Variants in CCDC148 observed in about 807,000 individuals in gnomAD.
CCDC148 encodes the protein coiled-coil domain containing 148.
CCDC148 carries 89 observed loss-of-function variants against 85.7 expected under a neutral mutation model. The ratio of observed to expected loss-of-function variants is 1.04; its 90% CI spans 0.87 to 1.24. The LOEUF (loss-of-function observed/expected upper bound fraction) is 1.24, where lower values mean the gene tolerates loss of function less well. Among genes scored for constraint, CCDC148 ranks in the 50% most tolerant of loss-of-function variants. The pLI, the probability that CCDC148 is intolerant of heterozygous loss-of-function variation, is 0.00. For missense variants in CCDC148, 692 were observed against 671.7 expected (o/e 1.03, Z -0.33); for synonymous variants, 230 against 213.9 (o/e 1.08, Z -0.66).
intron 7 of CCDC148, among the ~76,000 whole-genome samples, chr2:158,336,242 TG>T (rs1358398971): frequency 1.1e-4 from 16 of 152,328 alleles, no homozygotes; most frequent in South Asian, 4.1e-4. Context: ...TATACTTTTA[TG>T]CCTTACTGCT....
At chr2:158,321,265 T>C (rs1442065574) in intron 7 of CCDC148, among the ~76,000 whole-genome samples, 3 of 152,232 alleles carry the variant, frequency 2.0e-5, no homozygotes, top group South Asian at 4.2e-4. Context: ...AAAATCATGG[T>C]CCACACTATT....
intron 11 of CCDC148, among the ~76,000 whole-genome samples, chr2:158,196,811 G>A (rs1175122978): frequency 3.3e-5 from 5 of 150,142 alleles, no homozygotes; most frequent in Non-Finnish European, 7.4e-5. Context: ...GTGTCTATGT[G>A]TTTATATCTG....
intron 11 of CCDC148, among the ~76,000 whole-genome samples, chr2:158,182,296 A>C (rs944937105): frequency 2.6e-5 from 4 of 152,118 alleles, no homozygotes; most frequent in African/African-American, 9.7e-5. Context: ...TTGATTCCTA[A>C]GGAAACAACA....
At chr2:158,345,379 C>T in intron 2 of CCDC148, 61 bp from the exon 3 acceptor site, 1 of 1,120,790 alleles carries the variant, frequency 8.9e-7, no homozygotes, top group Non-Finnish European at 1.3e-6. Flanking sequence ...TTTTTCACAA[C>T]AGAAATGCTT....
At chr2:158,379,018 AT>A (rs1684767729) in intron 1 of CCDC148, among the ~76,000 whole-genome samples, 1 of 152,192 alleles carries the variant, frequency 6.6e-6, no homozygotes, top group South Asian at 2.1e-4. Context: ...AACACATTTC[AT>A]AAGGCTATAG....
At chr2:158,228,766 C>T (rs944868396) in intron 10 of CCDC148, among the ~76,000 whole-genome samples, 11 of 134,314 alleles carry the variant, frequency 8.2e-5, no homozygotes, top group Admixed American at 1.8e-4. Context: ...AATGAGAACA[C>T]ATGGACACAG....
intron 10 of CCDC148, among the ~76,000 whole-genome samples, chr2:158,238,184 G>T (rs1688195652): frequency 6.6e-6 from 1 of 152,080 alleles, no homozygotes; most frequent in Admixed American, 6.6e-5. Flanking sequence ...GGTCATAATG[G>T]TGTATTTTTA....
Position 158,338,778 on chromosome 2 carries a change from T to A in CCDC148, c.712A>T (p.Lys238Ter), listed in dbSNP as rs201223553. ...ILSEFYKFTQ[K>*]YQKKLQDFNL... The stretch of plus-strand genomic sequence containing the variant: ...AAGTCTTGAAGCTTCTTCTGATATT[T>A]CTGTGTAAACTTATAGAACTCACTG... The change falls in exon 7 of 14, where the codon AAA becomes TAA. Residue 238 changes from lysine to a stop codon, truncating the protein, a stop_gained. Transcript: ENST00000283233. LOFTEE classifies it high-confidence loss of function. 1.9e-6 allele frequency: 3 copies of A among 1,610,572 alleles called. No homozygotes were observed. Among genetic ancestry groups the A allele is most frequent in the Middle Eastern group, 1.7e-4 (1 of 6,050 alleles).
intron 9 of CCDC148, among the ~76,000 whole-genome samples, chr2:158,253,761 T>G (rs1316100508): frequency 6.6e-6 from 1 of 151,670 alleles, no homozygotes; most frequent in Admixed American, 6.6e-5. Context: ...TTAATGATCA[T>G]CAATGACCAC....
chr2:158,216,634 T>A (rs1020300634), intron 11 of CCDC148, among the ~76,000 whole-genome samples: 1 of 152,112 alleles, frequency 6.6e-6, no homozygotes, highest in South Asian at 2.1e-4. Context: ...CAAAATATTA[T>A]AGACTGGGTG....
At chr2:158,445,523 A>C (rs1688122881) in intron 1 of CCDC148, among the ~76,000 whole-genome samples, 1 of 152,204 alleles carries the variant, frequency 6.6e-6, no homozygotes, top group African/African-American at 2.4e-5. Context: ...GAAAAAAGCA[A>C]AAGAACAAGA....
At chr2:158,216,349 T>TA (rs1037326240) in intron 11 of CCDC148, among the ~76,000 whole-genome samples, 9 of 150,456 alleles carry the variant, frequency 6.0e-5, no homozygotes, top group Non-Finnish European at 8.9e-5. Flanking sequence ...ATACGTACTG[T>TA]AAAAAATCTT....
intron 1 of CCDC148, among the ~76,000 whole-genome samples, chr2:158,422,534 C>T (rs955634089): frequency 2.0e-5 from 3 of 152,092 alleles, no homozygotes; most frequent in African/African-American, 7.2e-5. Context: ...AATTCAACAG[C>T]CCTTCATGCT....
intron 9 of CCDC148, among the ~76,000 whole-genome samples, chr2:158,298,051 A>G (rs1473329778): frequency 4.6e-5 from 7 of 152,222 alleles, no homozygotes; most frequent in African/African-American, 1.7e-4. Context: ...AGGGTAAGCA[A>G]ACATGTCCTT....
chr2:158,220,518 ATAT>A, intron 11 of CCDC148, 74 bp downstream of exon 11: 1 of 951,110 alleles, frequency 1.1e-6, no homozygotes, highest in Non-Finnish European at 1.6e-6. Flanking sequence ...GTTCCCTCTG[ATAT>A]TATTTATTCT....
chr2:158,401,031 C>T (rs918389219), intron 1 of CCDC148, among the ~76,000 whole-genome samples: 6 of 152,206 alleles, frequency 3.9e-5, no homozygotes, highest in South Asian at 2.1e-4. Context: ...GAATGGCAAT[C>T]ATTAAAAAGT....
Position 158,171,147 on chromosome 2 carries a change from G to C in CCDC148, c.*966C>G, listed in dbSNP as rs575669384. On this transcript the variant is annotated 3_prime_UTR_variant, in exon 14 of 14. Coordinates refer to ENST00000283233, the MANE Select transcript of CCDC148 (RefSeq NM_138803.4). ...CCATGATGTTGGGGACAATCATAAA[G>C]TCAAAGATTCCACTAGTTGGATTGG... is the stretch of plus-strand genomic sequence containing the variant. 6.7e-6 allele frequency: 1 copy of C among 150,016 alleles called. No homozygotes were observed. The highest frequency in any genetic ancestry group is 2.4e-5 in the African/African-American group (1 of 40,916). 9.3% of individuals were successfully genotyped at this position (150,016 alleles called of 1,614,324 possible). A position where few individuals can be genotyped will look rare whatever the true frequency, so the allele number is the denominator to read the frequency against.
chr2:158,239,455 C>A (rs116722201), intron 10 of CCDC148, among the ~76,000 whole-genome samples: 109 of 152,016 alleles, frequency 7.2e-4, no homozygotes, highest in Non-Finnish European at 1.3e-3. Context: ...GTGAGCTTCT[C>A]GGATTACCAT....
intron 1 of CCDC148, among the ~76,000 whole-genome samples, chr2:158,438,671 C>G (rs1687783906): frequency 6.6e-6 from 1 of 152,042 alleles, no homozygotes; most frequent in Non-Finnish European, 1.5e-5. Flanking sequence ...AAGAAACTAC[C>G]ATCAGAGTGA....
Sources: gnomAD v4.1 joint callset for allele counts (sites outside exome capture counted in the v4.1 genomes callset) on GRCh38, gnomAD v4.1.1 for gene constraint, MANE v1.5 for transcripts, NCBI Gene and HGNC (gene_info 2026-07-23, HGNC 2026-07-21) for gene names.